Variants in RFT1 observed in about 807,000 individuals in gnomAD.
RFT1 encodes the protein RFT1 glycolipid translocator homolog, also known as man(5)GlcNAc(2)-PP-dolichol translocation protein RFT1.
A neutral mutation model predicts 62.2 loss-of-function variants in RFT1; 43 were observed. The observed-to-expected ratio is 0.69, with a 90% CI of 0.54 to 0.89. The LOEUF (loss-of-function observed/expected upper bound fraction) is 0.89, where lower values mean the gene tolerates loss of function less well. Ranked by LOEUF, RFT1 falls within the 40% of genes least tolerant of loss-of-function variation. RFT1 has a pLI of 0.00. For missense variants in RFT1, 605 were observed against 649.9 expected (o/e 0.93, Z 0.75); for synonymous variants, 262 against 264.6 (o/e 0.99, Z 0.10).
At position 53,095,553 on chromosome 3, in the gene RFT1, C is replaced by T. The variant is rs931669125; in HGVS notation, c.1209-2935G>A. On this transcript the variant is annotated intron_variant, in intron 11 of 12. Transcript: ENST00000296292. ...ATGGTGCCCAGAGACTCCGTCTCTA[C>T]AAAAAATACAAAAATTAGCTGGGCA... Among the ~76,000 whole-genome samples the T allele has an allele frequency of 1.2e-4, 18 of 152,056 alleles. No homozygotes were observed. In the East Asian group the frequency reaches 2.1e-3, roughly 18 times the overall value.
chr3:53,088,417 C>T (rs1575475824), downstream of RFT1: 1 of 152,192 alleles, frequency 6.6e-6, no homozygotes, highest in Non-Finnish European at 1.5e-5. Context: ...CTTACCTACC[C>T]TCCTTATGAA....
intron 2 of RFT1, among the ~76,000 whole-genome samples, chr3:53,125,106 T>C (rs746087870): frequency 7.9e-5 from 12 of 152,250 alleles, no homozygotes; most frequent in Non-Finnish European, 1.5e-5. Flanking sequence ...CAGCACTATG[T>C]AGTGCAAAAC....
chr3:53,097,565 G>GA (rs1372043057), intron 11 of RFT1, among the ~76,000 whole-genome samples: 3 of 152,176 alleles, frequency 2.0e-5, no homozygotes, highest in African/African-American at 7.2e-5. Context: ...CAATATAAGA[G>GA]AAAAGAAAGC....
chr3:53,084,420 C>T (rs938995625), downstream of RFT1, among the ~76,000 whole-genome samples: 1 of 152,254 alleles, frequency 6.6e-6, no homozygotes, highest in African/African-American at 2.4e-5. Context: ...TCCCCCTGCT[C>T]TCCCACCCCA....
At chr3:53,113,918 G>T (rs1701720145) in intron 6 of RFT1, among the ~76,000 whole-genome samples, 1 of 152,170 alleles carries the variant, frequency 6.6e-6, no homozygotes, top group Non-Finnish European at 1.5e-5. Flanking sequence ...CAGACACAGG[G>T]AGTGCAAGTG....
chr3:53,130,429 A>T lies in RFT1; in HGVS notation c.-29T>A. The T allele has an allele frequency of 6.5e-7, 1 of 1,550,124 alleles. No individual in the cohort carries two copies. On this transcript the variant is annotated 5_prime_UTR_variant, in exon 1 of 13. Coordinates refer to ENST00000296292, the MANE Select transcript of RFT1 (RefSeq NM_052859.4). Reference sequence around the variant, plus strand: ...CTCCGCGCCAGGCTCAGACACCAGGAAATGCCGCCGCCACTCCGTTTAGTC... The same window carrying T: ...CTCCGCGCCAGGCTCAGACACCAGGTAATGCCGCCGCCACTCCGTTTAGTC...
chr3:53,127,797 G>C (rs1318512273), intron 1 of RFT1, among the ~76,000 whole-genome samples: 1 of 152,092 alleles, frequency 6.6e-6, no homozygotes, highest in African/African-American at 2.4e-5. Context: ...AAAGAAATGA[G>C]ACTGTAGAAG....
At chr3:53,095,195 G>A (rs1266708205) in intron 11 of RFT1, among the ~76,000 whole-genome samples, 6 of 152,010 alleles carry the variant, frequency 3.9e-5, no homozygotes, top group Admixed American at 2.0e-4. Flanking sequence ...CCCGGGATGC[G>A]GGGGTTGCAG....
chr3:53,091,625 A>G lies in RFT1; in HGVS notation c.*278T>C, dbSNP rs1011637518. Reference sequence around the variant, plus strand: ...AATCATACGCAAAAGGAATGAGTATATTAGTAAAAGAGAAAATGCTGATTA... The same window carrying G: ...AATCATACGCAAAAGGAATGAGTATGTTAGTAAAAGAGAAAATGCTGATTA... On this transcript the variant is annotated 3_prime_UTR_variant, in exon 13 of 13. Transcript: ENST00000296292. 10 of 455,136 alleles carry G rather than the reference A, an allele frequency of 2.2e-5. No homozygotes were observed. The highest frequency in any genetic ancestry group is 1.8e-4 in the African/African-American group (9 of 50,672). The allele number at this position is 455,136 out of a possible 1,614,324, so 28.2% of individuals were successfully genotyped here.
intron 2 of RFT1, among the ~76,000 whole-genome samples, chr3:53,124,325 C>A (rs897245692): frequency 6.6e-6 from 1 of 152,180 alleles, no homozygotes; most frequent in Non-Finnish European, 1.5e-5. Context: ...ATCAGCAAGG[C>A]GTGCCTGGGT....
chr3:53,097,766 T>C (rs1701184927), intron 11 of RFT1, among the ~76,000 whole-genome samples: 1 of 152,268 alleles, frequency 6.6e-6, no homozygotes, highest in African/African-American at 2.4e-5. Flanking sequence ...TTTCCAATTA[T>C]ATTTTTAAGT....
At chr3:53,102,086 C>T (rs965886259) in intron 10 of RFT1, among the ~76,000 whole-genome samples, 3 of 151,434 alleles carry the variant, frequency 2.0e-5, no homozygotes, top group Non-Finnish European at 2.9e-5. Context: ...CAGACACGTG[C>T]AGGGAGATGA....
chr3:53,113,180 T>C (rs1701699587), intron 6 of RFT1, among the ~76,000 whole-genome samples: 1 of 152,050 alleles, frequency 6.6e-6, no homozygotes, highest in Non-Finnish European at 1.5e-5. Flanking sequence ...CATGCCTGGC[T>C]CATTTTTAAA....
intron 7 of RFT1, among the ~76,000 whole-genome samples, chr3:53,110,451 T>G (rs1273852348): frequency 2.0e-5 from 3 of 152,244 alleles, no homozygotes; most frequent in Admixed American, 6.5e-5. Flanking sequence ...CTGAGGCTTC[T>G]GACCCTCCCT....
Position 53,092,412 on chromosome 3 carries a change from AGCAGGACTGGCGATAGGT to A in RFT1, c.1397_1414del (p.His466_Leu471del). ...CCCACCACTGAGGGCAAATGTCCCGAGCAGGACTGGCGATAGGTGCAGGCCAGCCAGGGGCCTGTGGGG... is the reference window on the plus strand; with the variant it reads ...CCCACCACTGAGGGCAAATGTCCCGAGCAGGCCAGCCAGGGGCCTGTGGGG... On this transcript the variant is annotated inframe_deletion, in exon 12 of 13. Transcript: ENST00000296292. 6.2e-7 allele frequency: 1 copy of A among 1,607,942 alleles called. No homozygotes were observed. Among genetic ancestry groups the A allele is most frequent in the Non-Finnish European group, 8.5e-7 (1 of 1,177,610 alleles).
At chr3:53,111,077 A>G (rs1242477791) in intron 7 of RFT1, among the ~76,000 whole-genome samples, 2 of 152,224 alleles carry the variant, frequency 1.3e-5, no homozygotes, top group South Asian at 2.1e-4. Flanking sequence ...ATAATTTTTA[A>G]AAAGAAGAAG....
At chr3:53,112,518 G>C (rs1024499677) in intron 6 of RFT1, among the ~76,000 whole-genome samples, 1 of 152,168 alleles carries the variant, frequency 6.6e-6, no homozygotes, top group African/African-American at 2.4e-5. Context: ...GAGGTGGGTG[G>C]ATCACTTGAG....
At chr3:53,068,773 T>A in the RFT1 span, among the ~76,000 whole-genome samples, 1 of 152,094 alleles carries the variant, frequency 6.6e-6, no homozygotes, top group African/African-American at 2.4e-5. Context: ...AACTTGGGAT[T>A]TTTTTTTACT....
downstream of RFT1, among the ~76,000 whole-genome samples, chr3:53,086,171 C>T (rs763556168): frequency 3.9e-5 from 6 of 152,128 alleles, no homozygotes; most frequent in Non-Finnish European, 5.9e-5. Flanking sequence ...AATAGTGAAG[C>T]AAATAATTTT....
Sources: allele counts gnomAD v4.1 joint callset (sites outside exome capture counted in the v4.1 genomes callset), GRCh38; gene constraint gnomAD v4.1.1; transcripts MANE v1.5; gene names NCBI Gene and HGNC (gene_info 2026-07-23, HGNC 2026-07-21).